Variants in ADK observed in about 807,000 individuals in gnomAD.
ADK encodes N6,N6-dimethyladenosine kinase.
Under a neutral mutation model 44.7 loss-of-function variants are expected in ADK, and 24 were observed. The ratio of observed to expected loss-of-function variants is 0.54; its 90% CI spans 0.39 to 0.76. ADK has a LOEUF of 0.76. ADK is among the 30% of genes least tolerant of loss of function. The pLI, the probability that ADK is intolerant of heterozygous loss-of-function variation, is 0.00. For synonymous variants in ADK, 128 were observed against 142.6 expected (o/e 0.90, Z 0.73); for missense variants, 321 against 425.1 (o/e 0.76, Z 2.15).
intron 6 of ADK, among the ~76,000 whole-genome samples, chr10:74,426,179 G>T (rs1028395290): frequency 2.0e-5 from 3 of 152,132 alleles, no homozygotes; most frequent in African/African-American, 7.2e-5. Context: ...ATGAATGTTT[G>T]CTCATGCCGT....
At chr10:74,653,052 T>C (rs1451183832) in intron 9 of ADK, among the ~76,000 whole-genome samples, 6 of 152,322 alleles carry the variant, frequency 3.9e-5, no homozygotes, top group Middle Eastern at 6.8e-3. Context: ...TTTAGTTCTT[T>C]AGATTATTCA....
In ADK at chr10:74,670,883, A is replaced by G. The variant is rs187246330; in HGVS notation, c.964+614A>G. Among the ~76,000 whole-genome samples the G allele has an allele frequency of 2.0e-5, 3 of 152,274 alleles. No homozygotes were observed. The East Asian group carries it at 5.8e-4, about 29-fold the overall frequency. On this transcript the variant is annotated intron_variant, in intron 10 of 10. Transcript: ENST00000539909. ...GATTGATCTAAAATCTGATTCAAAAATTCTTTTGATAAGTCTAAATTCCTT... is the reference window on the plus strand; with the variant it reads ...GATTGATCTAAAATCTGATTCAAAAGTTCTTTTGATAAGTCTAAATTCCTT...
intron 9 of ADK, among the ~76,000 whole-genome samples, chr10:74,644,058 A>T (rs1449389932): frequency 6.6e-6 from 1 of 152,220 alleles, no homozygotes; most frequent in Non-Finnish European, 1.5e-5. Flanking sequence ...GCCTTCAAAC[A>T]GATTTTTTAA....
intron 10 of ADK, among the ~76,000 whole-genome samples, chr10:74,707,710 C>T (rs1436357149): frequency 6.8e-6 from 1 of 148,120 alleles, no homozygotes; most frequent in African/African-American, 2.5e-5. Context: ...TTGCAGTGGG[C>T]CAGGATCATG....
chr10:74,460,164 C>A (rs150602875), intron 6 of ADK, among the ~76,000 whole-genome samples: 1 of 152,136 alleles, frequency 6.6e-6, no homozygotes, highest in Non-Finnish European at 1.5e-5. Flanking sequence ...TGCTATTGAG[C>A]GTGCTTTGAG....
At chr10:74,177,374 T>C (rs1190479988) in intron 1 of ADK, among the ~76,000 whole-genome samples, 1 of 152,190 alleles carries the variant, frequency 6.6e-6, no homozygotes, top group Non-Finnish European at 1.5e-5. Context: ...AAATGTTTGC[T>C]CATGACTGGA....
chr10:74,699,452 C>T (rs1198763201), intron 10 of ADK, among the ~76,000 whole-genome samples: 2 of 152,002 alleles, frequency 1.3e-5, no homozygotes, highest in African/African-American at 2.4e-5. Context: ...CCGAGGCAGG[C>T]GGATCACCTG....
At chr10:74,372,477 G>T in intron 4 of ADK, 9 of 313,578 alleles carry the variant, frequency 2.9e-5, no homozygotes, top group East Asian at 9.2e-5. Context: ...ATAAATGTCA[G>T]TTTAAAAAAA....
intron 10 of ADK, among the ~76,000 whole-genome samples, chr10:74,682,419 A>G (rs1289957790): frequency 6.6e-6 from 1 of 152,170 alleles, no homozygotes; most frequent in African/African-American, 2.4e-5. Context: ...TTGCCTGTAT[A>G]TTACACATTG....
intron 1 of ADK, among the ~76,000 whole-genome samples, chr10:74,170,974 A>C (rs1240014135): frequency 6.6e-6 from 1 of 151,796 alleles, no homozygotes; most frequent in Non-Finnish European, 1.5e-5. Context: ...CTTTCCAATC[A>C]TTTTTTTCTA....
intron 10 of ADK, among the ~76,000 whole-genome samples, chr10:74,696,852 G>A (rs913814741): frequency 1.3e-5 from 2 of 152,130 alleles, no homozygotes; most frequent in Non-Finnish European, 2.9e-5. Flanking sequence ...CCTTATAGGT[G>A]TAATATGGAT....
intron 4 of ADK, among the ~76,000 whole-genome samples, 166 bp from the exon 5 acceptor site, chr10:74,393,975 T>C (rs942958936): frequency 1.3e-5 from 2 of 152,168 alleles, no homozygotes; most frequent in African/African-American, 4.8e-5. Context: ...ATGGTTGTTA[T>C]ATTAAGTTTT....
At chr10:74,368,471 A>G (rs1842562333) in intron 4 of ADK, among the ~76,000 whole-genome samples, 2 of 151,852 alleles carry the variant, frequency 1.3e-5, no homozygotes, top group Admixed American at 1.3e-4. Flanking sequence ...TTCTAGGGTA[A>G]ACATTTACTA....
At chr10:74,264,668 C>A (rs4489684) in intron 3 of ADK, among the ~76,000 whole-genome samples, 4 of 151,918 alleles carry the variant, frequency 2.6e-5, no homozygotes, top group Admixed American at 2.6e-4. Context: ...AATGCTTTAT[C>A]TTCTTATGCC....
Position 74,449,451 on chromosome 10 carries a change from C to A in ADK, c.555+50872C>A, listed in dbSNP as rs1845695308. 2.0e-5 allele frequency among the ~76,000 whole-genome samples: 3 copies of A among 151,770 alleles called. 1 individual carries two copies. In the South Asian group the frequency reaches 6.3e-4, roughly 32 times the overall value. On this transcript the variant is annotated intron_variant, in intron 6 of 10. Transcript: ENST00000539909. ...CTGTAGCCTAGTCAAGTTGTCACCT[C>A]AAAAAAACCATCTTGGGATAAAGTT...
At chr10:74,570,889 G>C (rs1354649291) in intron 7 of ADK, among the ~76,000 whole-genome samples, 1 of 152,168 alleles carries the variant, frequency 6.6e-6, no homozygotes, top group Non-Finnish European at 1.5e-5. Context: ...AATGCTTCCA[G>C]TTTTTGCCCA....
intron 6 of ADK, among the ~76,000 whole-genome samples, chr10:74,435,926 G>C (rs1845165409): frequency 6.6e-6 from 1 of 152,106 alleles, no homozygotes. Flanking sequence ...TCTTTAAGCT[G>C]AAATTAAATG....
intron 4 of ADK, among the ~76,000 whole-genome samples, chr10:74,317,667 T>G (rs912044058): frequency 1.7e-4 from 26 of 152,142 alleles, no homozygotes; most frequent in Admixed American, 6.6e-5. Flanking sequence ...AGTACAATAT[T>G]AACAAAATAT....
chr10:74,383,788 G>A (rs1035058673), intron 4 of ADK, among the ~76,000 whole-genome samples: 10 of 152,084 alleles, frequency 6.6e-5, no homozygotes, highest in African/African-American at 2.4e-4. Context: ...TTCATCTCAT[G>A]TCCTTACATC....
Sources: gnomAD v4.1 joint callset for allele counts (sites outside exome capture counted in the v4.1 genomes callset) on GRCh38, gnomAD v4.1.1 for gene constraint, MANE v1.5 for transcripts, NCBI Gene and HGNC (gene_info 2026-07-23, HGNC 2026-07-21) for gene names.